The following SLCO1B1 variants were observed in gnomAD, a reference collection of about 807,000 sequenced individuals.
SLCO1B1 encodes the protein solute carrier organic anion transporter family member 1B1.
SLCO1B1 carries 81 observed loss-of-function variants against 70.1 expected under a neutral mutation model. That is an observed-to-expected ratio of 1.16 (90% CI 0.97 to 1.39). The LOEUF is 1.39. Among genes scored for constraint, SLCO1B1 ranks in the 40% most tolerant of loss-of-function variants. The pLI is 0.00. For synonymous variants in SLCO1B1, 283 were observed against 271.5 expected, an observed-to-expected ratio of 1.04 and a Z score of -0.42; for missense variants, 895 against 799.6, an observed-to-expected ratio of 1.12 and a Z score of -1.44.
intron 2 of SLCO1B1, among the ~76,000 whole-genome samples, chr12:21,144,358 C>T (rs532148292): frequency 1.3e-5 from 2 of 151,860 alleles, no homozygotes; most frequent in South Asian, 4.1e-4. Flanking sequence ...TCAACACAAG[C>T]AGACAAAATT....
chr12:21,233,576 A>C lies in SLCO1B1; in HGVS notation c.1866-5403A>C, dbSNP rs867867358. Among the ~76,000 whole-genome samples the C allele has an allele frequency of 7.6e-3, 1,083 of 141,670 alleles. 22 individuals carry two copies. Among genetic ancestry groups the C allele is most frequent in the African/African-American group, 0.026 (1,032 of 40,000 alleles). The allele number at this position is 141,670 out of a possible 152,430, so 92.9% of individuals were successfully genotyped here. A position where few individuals can be genotyped will look rare whatever the true frequency, so the allele number is the denominator to read the frequency against. ...TCAAAAAAAAAACAAACAAACAAAA[A>C]AAAAAAAACAAGAGCCCCAAAGGAG... On this transcript the variant is annotated intron_variant, in intron 14 of 14. Coordinates refer to ENST00000256958, the MANE Select transcript of SLCO1B1 (RefSeq NM_006446.5).
intron 14 of SLCO1B1, among the ~76,000 whole-genome samples, chr12:21,237,702 A>C (rs1941608791): frequency 6.7e-6 from 1 of 149,394 alleles, no homozygotes. Context: ...ACATTAATTT[A>C]AGAGAAATTC....
intron 7 of SLCO1B1, among the ~76,000 whole-genome samples, chr12:21,191,294 G>A (rs894587707): frequency 6.6e-6 from 1 of 151,932 alleles, no homozygotes; most frequent in East Asian, 1.9e-4. Flanking sequence ...ATTATTTATG[G>A]CTTCTTTATT....
At chr12:21,148,348 C>A (rs1940416388) in intron 2 of SLCO1B1, among the ~76,000 whole-genome samples, 1 of 152,122 alleles carries the variant, frequency 6.6e-6, no homozygotes, top group Admixed American at 6.5e-5. Context: ...TTAGGTCTTA[C>A]ATTTAAGTCT....
intron 1 of SLCO1B1, among the ~76,000 whole-genome samples, chr12:21,137,107 G>T (rs563604916): frequency 6.6e-6 from 1 of 152,298 alleles, no homozygotes; most frequent in Admixed American, 6.5e-5. Context: ...TGCAGACCCT[G>T]TTTGCCTGGG....
At chr12:21,140,118 C>T (rs1361451237) in intron 1 of SLCO1B1, among the ~76,000 whole-genome samples, 3 of 152,020 alleles carry the variant, frequency 2.0e-5, no homozygotes, top group African/African-American at 7.2e-5. Flanking sequence ...GGCAGACAGG[C>T]ATATAACTAA....
chr12:21,160,198 G>C (rs997159704), intron 2 of SLCO1B1, among the ~76,000 whole-genome samples: 4 of 149,414 alleles, frequency 2.7e-5, no homozygotes, highest in African/African-American at 9.8e-5. Context: ...AATAAAGCTA[G>C]AGACATCATG....
intron 10 of SLCO1B1, 84 bp from the exon 11 acceptor site, chr12:21,205,784 A>T: frequency 2.0e-6 from 2 of 1,003,744 alleles, no homozygotes; most frequent in Admixed American, 2.2e-5. Context: ...CTCTGCTTTC[A>T]CTTTACTTCT....
intron 2 of SLCO1B1, among the ~76,000 whole-genome samples, chr12:21,155,850 G>A (rs1198245976): frequency 6.6e-6 from 1 of 152,144 alleles, no homozygotes; most frequent in Non-Finnish European, 1.5e-5. Flanking sequence ...ACCTGTAGAA[G>A]GGAATGCTCA....
Position 21,189,355 on chromosome 12 carries a change from T to C in SLCO1B1, c.728-7591T>C, listed in dbSNP as rs539484195. 8.1e-4 allele frequency among the ~76,000 whole-genome samples: 124 copies of C among 152,310 alleles called. 1 individual carries two copies. The highest frequency in any genetic ancestry group is 3.4e-3 in the Middle Eastern group (1 of 294). On this transcript the variant is annotated intron_variant, in intron 7 of 14. Coordinates refer to ENST00000256958, the MANE Select transcript of SLCO1B1 (RefSeq NM_006446.5). ...GCTTTTGATTTGCATTTCCCTGATA[T>C]GCAATGTTGAAAATCTTTTTATTGA...
chr12:21,199,708 A>G (rs1941133851), intron 8 of SLCO1B1, among the ~76,000 whole-genome samples: 1 of 152,144 alleles, frequency 6.6e-6, no homozygotes, highest in Non-Finnish European at 1.5e-5. Flanking sequence ...TATTTTTAAT[A>G]TAATACTTAT....
intron 14 of SLCO1B1, among the ~76,000 whole-genome samples, chr12:21,226,010 T>C (rs1591828195): frequency 6.6e-6 from 1 of 152,134 alleles, no homozygotes; most frequent in South Asian, 2.1e-4. Flanking sequence ...CAAACTGGGG[T>C]ATATTCATAC....
intron 2 of SLCO1B1, among the ~76,000 whole-genome samples, chr12:21,163,044 T>C (rs528575707): frequency 1.7e-4 from 26 of 151,936 alleles, no homozygotes; most frequent in African/African-American, 5.5e-4. Context: ...ATAAATTAAC[T>C]AGGAAAATTA....
intron 7 of SLCO1B1, among the ~76,000 whole-genome samples, chr12:21,184,893 A>T (rs1226315474): frequency 2.0e-5 from 3 of 152,154 alleles, no homozygotes; most frequent in Non-Finnish European, 4.4e-5. Flanking sequence ...TACCCACAGG[A>T]TCAAAGTAAA....
intron 14 of SLCO1B1, among the ~76,000 whole-genome samples, chr12:21,231,594 A>T (rs890528864): frequency 1.1e-4 from 17 of 152,148 alleles, no homozygotes; most frequent in African/African-American, 3.9e-4. Context: ...TCTCAAAAAA[A>T]CAAGATCCAA....
intron 7 of SLCO1B1, among the ~76,000 whole-genome samples, chr12:21,194,889 T>C (rs972624842): frequency 6.6e-6 from 1 of 152,218 alleles, no homozygotes; most frequent in African/African-American, 2.4e-5. Context: ...CTTTTACTCC[T>C]GGCAGAAGTT....
chr12:21,219,729 T>G (rs944318541), intron 12 of SLCO1B1, among the ~76,000 whole-genome samples: 1 of 152,114 alleles, frequency 6.6e-6, no homozygotes, highest in African/African-American at 2.4e-5. Flanking sequence ...GAAACAAATA[T>G]GAGTCTCAGT....
At chr12:21,200,239 A>T (rs1489327893) in intron 8 of SLCO1B1, among the ~76,000 whole-genome samples, 13 of 152,238 alleles carry the variant, frequency 8.5e-5, no homozygotes, top group Admixed American at 8.5e-4. Flanking sequence ...ATATTAAGTG[A>T]AGAAAGCAAG....
intron 2 of SLCO1B1, among the ~76,000 whole-genome samples, chr12:21,144,872 T>C (rs1940360901): frequency 6.6e-6 from 1 of 152,178 alleles, no homozygotes; most frequent in African/African-American, 2.4e-5. Flanking sequence ...TAACAGAATT[T>C]GTTACCATTA....
Sources: gnomAD v4.1 joint callset for allele counts (sites outside exome capture counted in the v4.1 genomes callset) on GRCh38, gnomAD v4.1.1 for gene constraint, MANE v1.5 for transcripts, NCBI Gene and HGNC (gene_info 2026-07-23, HGNC 2026-07-21) for gene names.